GALNTL6: variants seen among roughly 807,000 people sequenced by gnomAD.
The protein encoded by GALNTL6 is polypeptide N-acetylgalactosaminyltransferase like 6.
In GALNTL6, 46 loss-of-function variants were observed where a neutral mutation model predicts 73.7. The ratio of observed to expected loss-of-function variants is 0.62; its 90% confidence interval spans 0.49 to 0.80. GALNTL6 has a LOEUF of 0.80. GALNTL6 is among the 30% of genes least tolerant of loss of function. GALNTL6 has a pLI of 0.00. For synonymous variants in GALNTL6, 259 were observed against 263.7 expected, an observed-to-expected ratio of 0.98 and a Z score of 0.17; for missense variants, 604 against 755.0, an observed-to-expected ratio of 0.80 and a Z score of 2.34.
intron 5 of GALNTL6, chr4:172,380,186 A>G: frequency 2.0e-6 from 2 of 1,020,726 alleles, no homozygotes; most frequent in Non-Finnish European, 3.1e-6. Flanking sequence ...AACTGTGCGG[A>G]TCTGCAGGGC....
chr4:172,540,541 C>CA (rs1239164154), intron 5 of GALNTL6, among the ~76,000 whole-genome samples: 15 of 151,996 alleles, frequency 9.9e-5, no homozygotes, highest in African/African-American at 3.6e-4. Context: ...AATACAAATC[C>CA]AAGAAGCCTT....
At chr4:171,963,099 T>C (rs976198917) in intron 2 of GALNTL6, among the ~76,000 whole-genome samples, 1 of 151,572 alleles carries the variant, frequency 6.6e-6, no homozygotes. Context: ...AGAAACATAA[T>C]TGGTAAATAC....
At chr4:172,761,094 T>A (rs564478318) in intron 5 of GALNTL6, among the ~76,000 whole-genome samples, 3 of 152,046 alleles carry the variant, frequency 2.0e-5, no homozygotes, top group Non-Finnish European at 4.4e-5. Flanking sequence ...CTAGAGAAAC[T>A]AAGAATAGGC....
intron 2 of GALNTL6, among the ~76,000 whole-genome samples, chr4:172,171,674 C>CA (rs557479024): frequency 0.38 from 48,682 of 126,464 alleles, 8,150 homozygotes; most frequent in Middle Eastern, 0.42. Context: ...ATCAAAAATA[C>CA]AAAAAAAAAA....
chr4:172,976,687 C>A (rs1750826316), intron 10 of GALNTL6, among the ~76,000 whole-genome samples: 1 of 152,222 alleles, frequency 6.6e-6, no homozygotes, highest in Non-Finnish European at 1.5e-5. Context: ...GCTGACTCCC[C>A]AGACACCTGT....
chr4:171,959,838 A>T (rs899568527), intron 2 of GALNTL6, among the ~76,000 whole-genome samples: 8 of 152,222 alleles, frequency 5.3e-5, no homozygotes, highest in African/African-American at 1.9e-4. Context: ...AGCAAATAGA[A>T]ATAATCTCCC....
At chr4:172,083,596 A>G (rs1250976897) in intron 2 of GALNTL6, among the ~76,000 whole-genome samples, 3 of 152,192 alleles carry the variant, frequency 2.0e-5, no homozygotes, top group Non-Finnish European at 4.4e-5. Flanking sequence ...CTCAAAGGTC[A>G]TCTTATCAGT....
chr4:172,727,743 A>G (rs1029164126), intron 5 of GALNTL6, among the ~76,000 whole-genome samples: 1 of 152,156 alleles, frequency 6.6e-6, no homozygotes, highest in African/African-American at 2.4e-5. Context: ...AAGAACAGAA[A>G]TAATTTAAAT....
At chr4:172,527,037 T>G (rs982224200) in intron 5 of GALNTL6, among the ~76,000 whole-genome samples, 5 of 152,280 alleles carry the variant, frequency 3.3e-5, no homozygotes, top group Admixed American at 1.3e-4. Context: ...TTTATAAGAA[T>G]TTTGATGGAT....
intron 2 of GALNTL6, among the ~76,000 whole-genome samples, chr4:172,135,573 G>T (rs1308053223): frequency 6.6e-6 from 1 of 152,066 alleles, no homozygotes; most frequent in Non-Finnish European, 1.5e-5. Context: ...GCGTCCTTCA[G>T]GGCTTCAATT....
At chr4:172,573,622 A>G (rs180146) in intron 5 of GALNTL6, among the ~76,000 whole-genome samples, 21,865 of 152,044 alleles carry the variant, frequency 0.14, 2,144 homozygotes, top group African/African-American at 0.27. Flanking sequence ...GTCTTGATCT[A>G]TTCTTCTCCA....
At chr4:172,474,598 C>T (rs1383392739) in intron 5 of GALNTL6, among the ~76,000 whole-genome samples, 2 of 152,076 alleles carry the variant, frequency 1.3e-5, no homozygotes, top group South Asian at 2.1e-4. Context: ...CTTTTTGGTT[C>T]ATATATAAGA....
chr4:172,738,416 G>T (rs6851770), intron 5 of GALNTL6, among the ~76,000 whole-genome samples: 54,566 of 151,938 alleles, frequency 0.36, 10,850 homozygotes, highest in African/African-American at 0.52. Flanking sequence ...GTTGCTGTTG[G>T]TGTTTGTTGT....
chr4:172,199,482 T>A (rs1560966168), intron 2 of GALNTL6, among the ~76,000 whole-genome samples: 1 of 152,220 alleles, frequency 6.6e-6, no homozygotes, highest in Non-Finnish European at 1.5e-5. Flanking sequence ...CTCTCACCAT[T>A]TGACTTGTAA....
chr4:172,439,443 C>G (rs563349503), intron 5 of GALNTL6, among the ~76,000 whole-genome samples: 1 of 148,708 alleles, frequency 6.7e-6, no homozygotes, highest in Non-Finnish European at 1.5e-5. Flanking sequence ...TACTTACATT[C>G]GTCATGACTC....
At chr4:171,858,311 T>C (rs929026322) in intron 2 of GALNTL6, among the ~76,000 whole-genome samples, 1 of 152,130 alleles carries the variant, frequency 6.6e-6, no homozygotes, top group African/African-American at 2.4e-5. Context: ...TATCATATAG[T>C]GTTAATTCTA....
At chr4:172,382,200 T>C (rs1360429728) in intron 5 of GALNTL6, among the ~76,000 whole-genome samples, 1 of 152,030 alleles carries the variant, frequency 6.6e-6, no homozygotes, top group African/African-American at 2.4e-5. Flanking sequence ...AGCTCCTAAC[T>C]TCAGGTGATC....
chr4:171,866,938 T>G (rs1247974277), intron 2 of GALNTL6, among the ~76,000 whole-genome samples: 2 of 152,160 alleles, frequency 1.3e-5, no homozygotes, highest in African/African-American at 4.8e-5. Flanking sequence ...ATTCAGTCCA[T>G]TGTATAATTA....
chr4:172,107,922 C>T (rs1732731068), intron 2 of GALNTL6, among the ~76,000 whole-genome samples: 1 of 152,056 alleles, frequency 6.6e-6, no homozygotes, highest in Non-Finnish European at 1.5e-5. Context: ...CATTTGCCTA[C>T]TAAATCTTTC....
Sources: gnomAD v4.1 joint callset for allele counts (sites outside exome capture counted in the v4.1 genomes callset) on GRCh38, gnomAD v4.1.1 for gene constraint, MANE v1.5 for transcripts, NCBI Gene and HGNC (gene_info 2026-07-23, HGNC 2026-07-21) for gene names.